Variants in LANCL2 observed in about 807,000 individuals in gnomAD.
LANCL2 encodes the protein lanC-like protein 2.
LANCL2 carries 33 observed loss-of-function variants against 56.9 expected under a neutral mutation model. That is an observed-to-expected ratio of 0.58 (90% CI 0.44 to 0.78). The LOEUF is 0.78. Ranked by LOEUF, LANCL2 falls within the 30% of genes least tolerant of loss-of-function variation. LANCL2 has a pLI of 0.00. For missense variants in LANCL2, 562 were observed against 580.2 expected (o/e 0.97, Z 0.32); for synonymous variants, 233 against 228.2 (o/e 1.02, Z -0.19).
chr7:55,382,074 T>G (rs1216245815), intron 1 of LANCL2, among the ~76,000 whole-genome samples: 1 of 152,204 alleles, frequency 6.6e-6, no homozygotes, highest in East Asian at 1.9e-4. Flanking sequence ...TTCATCCTTA[T>G]GTCAAAATGA....
At chr7:55,395,807 T>C (rs1790244910) in intron 2 of LANCL2, among the ~76,000 whole-genome samples, 1 of 152,212 alleles carries the variant, frequency 6.6e-6, no homozygotes, top group Non-Finnish European at 1.5e-5. Flanking sequence ...AACAGGTGGA[T>C]GCCGAGAATT....
intron 1 of LANCL2, among the ~76,000 whole-genome samples, chr7:55,380,316 T>C (rs1312072227): frequency 6.6e-6 from 1 of 152,192 alleles, no homozygotes; most frequent in East Asian, 1.9e-4. Context: ...AATGCTTAGC[T>C]ATTACTTTCA....
chr7:55,418,604 C>T (rs1176411903), intron 6 of LANCL2, among the ~76,000 whole-genome samples: 3 of 152,186 alleles, frequency 2.0e-5, no homozygotes, highest in Non-Finnish European at 4.4e-5. Flanking sequence ...TTTCTTCTTC[C>T]TTTCCAACCT....
chr7:55,402,853 A>C (rs552492957), intron 5 of LANCL2, among the ~76,000 whole-genome samples: 3,230 of 146,522 alleles, frequency 0.022, 66 homozygotes, highest in Middle Eastern at 0.042. Flanking sequence ...GCGGCAGGGC[A>C]GAGGCGCTCC....
chr7:55,425,701 C>A (rs190009820), intron 7 of LANCL2, among the ~76,000 whole-genome samples: 1 of 152,288 alleles, frequency 6.6e-6, no homozygotes, highest in Admixed American at 6.5e-5. Flanking sequence ...CATTTATTGG[C>A]TTTATGAGTT....
At chr7:55,402,090 G>T (rs1469015576) in intron 5 of LANCL2, among the ~76,000 whole-genome samples, 54 of 137,968 alleles carry the variant, frequency 3.9e-4, no homozygotes, top group East Asian at 1.2e-3. Context: ...GCCGGGCAGA[G>T]GGGCTCCTCA....
Position 55,365,964 on chromosome 7 carries a change from G to A in LANCL2, c.-62G>A. 6 of 1,290,632 alleles carry A rather than the reference G, an allele frequency of 4.6e-6. No homozygotes were observed. The highest frequency in any genetic ancestry group is 6.1e-6 in the Non-Finnish European group (6 of 983,846). 79.9% of individuals were successfully genotyped at this position (1,290,632 alleles called of 1,614,324 possible). A position where few individuals can be genotyped will look rare whatever the true frequency, so the allele number is the denominator to read the frequency against. The stretch of plus-strand genomic sequence containing the variant: ...CGGGCCCTCGGAGGAGGCGGCGGCG[G>A]GGCGAGCTGCAGCGCCGGGACAGGA... On this transcript the variant is annotated 5_prime_UTR_variant, in exon 1 of 9. Coordinates refer to ENST00000254770, the MANE Select transcript of LANCL2 (RefSeq NM_018697.4).
At chr7:55,429,769 CCCCAGTGGGT>C (rs1790707462) in intron 8 of LANCL2, among the ~76,000 whole-genome samples, 1 of 152,242 alleles carries the variant, frequency 6.6e-6, no homozygotes, top group South Asian at 2.1e-4. Context: ...ACCTTCAGAG[CCCCAGTGGGT>C]CAAAAGCTTT....
chr7:55,392,151 G>A (rs908173093), intron 2 of LANCL2, among the ~76,000 whole-genome samples: 6 of 152,006 alleles, frequency 3.9e-5, no homozygotes, highest in African/African-American at 7.2e-5. Context: ...AAATTAGCCA[G>A]GTGTGGTGTC....
intron 6 of LANCL2, among the ~76,000 whole-genome samples, chr7:55,414,923 G>A (rs1292084668): frequency 7.1e-6 from 1 of 140,880 alleles, no homozygotes; most frequent in Non-Finnish European, 1.5e-5. Flanking sequence ...GGCGGAGGTT[G>A]CAGTGAGCTA....
Position 55,365,883 on chromosome 7 carries a change from G to A in LANCL2, c.-143G>A, listed in dbSNP as rs537059274. The A allele has an allele frequency of 8.9e-4, 508 of 573,766 alleles. No homozygotes were observed. The highest frequency in any genetic ancestry group is 1.3e-3 in the Non-Finnish European group (462 of 350,524). The allele number at this position is 573,766 out of a possible 1,614,324, so 35.5% of individuals were successfully genotyped here. On this transcript the variant is annotated 5_prime_UTR_variant, in exon 1 of 9. Coordinates refer to ENST00000254770, the MANE Select transcript of LANCL2 (RefSeq NM_018697.4). ...GCGACGAGGCAGTGCACGCTCAGAC[G>A]CCCCGCTCCTCCCGCCAGCGCGCGG...
chr7:55,396,948 A>T (rs1790260605), intron 2 of LANCL2: 1 of 152,202 alleles, frequency 6.6e-6, no homozygotes, highest in Admixed American at 6.5e-5. Context: ...GAATACAGAA[A>T]ACATGCTCTC....
chr7:55,404,131 A>C (rs923090735), intron 5 of LANCL2, among the ~76,000 whole-genome samples: 5 of 152,210 alleles, frequency 3.3e-5, no homozygotes, highest in African/African-American at 1.2e-4. Context: ...CCCCATAACT[A>C]AACATTGCTT....
intron 1 of LANCL2, among the ~76,000 whole-genome samples, chr7:55,371,923 G>A (rs576325318): frequency 1.3e-5 from 2 of 152,200 alleles, no homozygotes; most frequent in African/African-American, 4.8e-5. Context: ...GTGTGTGTGT[G>A]TGTGTCAGGT....
intron 2 of LANCL2, among the ~76,000 whole-genome samples, chr7:55,396,158 G>T (rs1180362651): frequency 6.6e-6 from 1 of 152,206 alleles, no homozygotes; most frequent in Non-Finnish European, 1.5e-5. Flanking sequence ...GGCTCAGTGT[G>T]GGCAAGCCAG....
intron 1 of LANCL2, among the ~76,000 whole-genome samples, chr7:55,373,828 T>C (rs1404698812): frequency 6.6e-6 from 1 of 152,248 alleles, no homozygotes; most frequent in Non-Finnish European, 1.5e-5. Flanking sequence ...TCAAGAACTA[T>C]GTAATATGCT....
At chr7:55,397,898 C>T (rs1285121270) in intron 2 of LANCL2, among the ~76,000 whole-genome samples, 1 of 151,464 alleles carries the variant, frequency 6.6e-6, no homozygotes, top group Non-Finnish European at 1.5e-5. Context: ...AGTTCACTCA[C>T]CAGTTCATTG....
At chr7:55,377,470 C>G (rs2128991436) in intron 1 of LANCL2, among the ~76,000 whole-genome samples, 1 of 152,156 alleles carries the variant, frequency 6.6e-6, no homozygotes, top group African/African-American at 2.4e-5. Context: ...CCCTATTCCC[C>G]CTTCCCCCTC....
At chr7:55,415,621 C>CTTTTTTTGTTTTTTTTTT (rs1554384850) in intron 6 of LANCL2, among the ~76,000 whole-genome samples, 1 of 111,770 alleles carries the variant, frequency 8.9e-6, no homozygotes, top group African/African-American at 3.2e-5. Flanking sequence ...GTTTTTCTTT[C>CTTTTTTTGTTTTTTTTTT]TTTTTTTTGA....
Sources: gnomAD v4.1 joint callset for allele counts (sites outside exome capture counted in the v4.1 genomes callset) on GRCh38, gnomAD v4.1.1 for gene constraint, MANE v1.5 for transcripts, NCBI Gene and HGNC (gene_info 2026-07-23, HGNC 2026-07-21) for gene names.